The following KIF6 variants were observed in gnomAD, a reference collection of about 807,000 sequenced individuals.
KIF6 encodes kinesin family member 6.
KIF6 carries 106 observed loss-of-function variants against 112.7 expected under a neutral mutation model. That is an observed-to-expected ratio of 0.94 (90% CI 0.80 to 1.11). KIF6 has a LOEUF of 1.11. KIF6 is among the 50% of genes least tolerant of loss of function. KIF6 has a pLI of 0.00. For synonymous variants in KIF6, 339 were observed against 339.9 expected (o/e 1.00, Z 0.03); for missense variants, 929 against 964.0 (o/e 0.96, Z 0.48).
intron 3 of KIF6, among the ~76,000 whole-genome samples, chr6:39,699,248 G>C (rs781503513): frequency 1.3e-5 from 2 of 152,202 alleles, no homozygotes; most frequent in African/African-American, 2.4e-5. Flanking sequence ...GTAGGGGAGT[G>C]AGGAATGCCA....
intron 10 of KIF6, among the ~76,000 whole-genome samples, chr6:39,564,309 A>T (rs995847716): frequency 6.6e-6 from 1 of 152,248 alleles, no homozygotes; most frequent in Non-Finnish European, 1.5e-5. Flanking sequence ...AAGTATGCTC[A>T]GTTAATGATA....
rs144818076 is a variant in KIF6, at chr6:39,596,033, A to T, written c.846+21T>A. 1.4e-3 allele frequency: 2,144 copies of T among 1,587,988 alleles called. 15 individuals carry two copies. In the Middle Eastern group the frequency reaches 0.019, roughly 14 times the overall value. On this transcript the variant is annotated intron_variant, in intron 7 of 22. Coordinates refer to ENST00000287152, the MANE Select transcript of KIF6 (RefSeq NM_145027.6). ...ACATGGTAGCTATAGTTATTAATAC[A>T]TCCCACTCTGCCCATTTTACCTGTT...
intron 13 of KIF6, among the ~76,000 whole-genome samples, chr6:39,433,191 A>G (rs1342801830): frequency 6.6e-6 from 1 of 152,254 alleles, no homozygotes; most frequent in Non-Finnish European, 1.5e-5. Flanking sequence ...GGGACTAACT[A>G]TATTCCCAAC....
At chr6:39,395,200 C>T (rs1290363080) in intron 15 of KIF6, among the ~76,000 whole-genome samples, 2 of 152,216 alleles carry the variant, frequency 1.3e-5, no homozygotes, top group East Asian at 3.8e-4. Context: ...AAGATTAGCA[C>T]GTTCTGCCTG....
Position 39,349,631 on chromosome 6 carries a change from C to CTTTTTTTTTTTTTTTT in KIF6, c.2181-3121_2181-3106dup, listed in dbSNP as rs58810898. 5.1e-4 allele frequency among the ~76,000 whole-genome samples: 33 copies of CTTTTTTTTTTTTTTTT among 64,562 alleles called. 2 individuals are homozygous for CTTTTTTTTTTTTTTTT. Among genetic ancestry groups the CTTTTTTTTTTTTTTTT allele is most frequent in the East Asian group, 7.8e-4 (1 of 1,274 alleles). The allele number at this position is 64,562 out of a possible 152,430, so 42.4% of individuals were successfully genotyped here. On this transcript the variant is annotated intron_variant, in intron 19 of 22. Transcript: ENST00000287152. ...GAAGGTCTAGGTTTAATTTGTGGCT[C>CTTTTTTTTTTTTTTTT]TTTTTTTTTTTTTTTTTTTTTTTTT...
chr6:39,379,255 C>G (rs1345350601), intron 16 of KIF6, among the ~76,000 whole-genome samples: 1 of 152,162 alleles, frequency 6.6e-6, no homozygotes, highest in Non-Finnish European at 1.5e-5. Flanking sequence ...TTGTAATTTG[C>G]TCAGCTGTGG....
chr6:39,434,569 TCAAAACAAAACAAAACAAAAAAA>T (rs918863918), intron 13 of KIF6, among the ~76,000 whole-genome samples: 2 of 135,474 alleles, frequency 1.5e-5, no homozygotes, highest in African/African-American at 5.1e-5. Context: ...CGACTCCATC[TCAAAACAAAACAAAACAAAAAAA>T]CAAAACAAAA....
At chr6:39,367,701 C>A (rs962779493) in intron 16 of KIF6, among the ~76,000 whole-genome samples, 5 of 152,130 alleles carry the variant, frequency 3.3e-5, no homozygotes, top group African/African-American at 9.7e-5. Context: ...AAGATGTGGA[C>A]CCCCTCCTTC....
chr6:39,352,197 C>T (rs1483784336), intron 19 of KIF6, among the ~76,000 whole-genome samples: 1 of 152,196 alleles, frequency 6.6e-6, no homozygotes, highest in Non-Finnish European at 1.5e-5. Context: ...TCTTCCCCAC[C>T]TTTCAGTTTT....
chr6:39,438,171 A>G (rs1161076386), intron 13 of KIF6, among the ~76,000 whole-genome samples: 1 of 152,022 alleles, frequency 6.6e-6, no homozygotes, highest in Non-Finnish European at 1.5e-5. Flanking sequence ...ATGAGATTTC[A>G]CCATGTTGAC....
intron 15 of KIF6, among the ~76,000 whole-genome samples, chr6:39,409,890 A>G (rs1581788915): frequency 6.6e-6 from 1 of 152,022 alleles, no homozygotes; most frequent in African/African-American, 2.4e-5. Flanking sequence ...CACTGACAAA[A>G]CCCTCTTCCC....
chr6:39,495,372 G>A (rs573439988), intron 13 of KIF6, among the ~76,000 whole-genome samples: 1 of 152,314 alleles, frequency 6.6e-6, no homozygotes, highest in East Asian at 1.9e-4. Context: ...AAACAAGGCA[G>A]CAGGATTGGG....
intron 3 of KIF6, among the ~76,000 whole-genome samples, chr6:39,657,261 AAG>A (rs990938866): frequency 1.4e-4 from 21 of 150,370 alleles, no homozygotes; most frequent in African/African-American, 5.3e-4. Context: ...GAAAAAAAAA[AAG>A]GTTTTATTCT....
At chr6:39,671,473 A>G (rs1175863877) in intron 3 of KIF6, among the ~76,000 whole-genome samples, 1 of 152,148 alleles carries the variant, frequency 6.6e-6, no homozygotes, top group Non-Finnish European at 1.5e-5. Flanking sequence ...CTTCTATCCT[A>G]GGCATTGGTG....
intron 14 of KIF6, among the ~76,000 whole-genome samples, chr6:39,425,509 G>T (rs886640909): frequency 1.3e-5 from 2 of 151,542 alleles, no homozygotes; most frequent in Admixed American, 6.6e-5. Context: ...TCCCTCTCCC[G>T]CCTCCAGTTG....
At chr6:39,377,841 C>T (rs1282893923) in intron 16 of KIF6, among the ~76,000 whole-genome samples, 10 of 152,116 alleles carry the variant, frequency 6.6e-5, no homozygotes, top group Non-Finnish European at 1.2e-4. Context: ...CAGGGCTCCA[C>T]GTGGCATCAC....
At chr6:39,403,948 T>C (rs1379700666) in intron 15 of KIF6, among the ~76,000 whole-genome samples, 1 of 152,208 alleles carries the variant, frequency 6.6e-6, no homozygotes, top group Non-Finnish European at 1.5e-5. Context: ...GTACGTCCTT[T>C]TTGGTGAAGT....
chr6:39,652,808 T>C (rs1329776224), intron 3 of KIF6, among the ~76,000 whole-genome samples: 2 of 152,170 alleles, frequency 1.3e-5, no homozygotes, highest in Non-Finnish European at 2.9e-5. Flanking sequence ...ATAAGAGTAA[T>C]ACCAAAGTCT....
intron 9 of KIF6, among the ~76,000 whole-genome samples, chr6:39,582,883 A>G (rs973491331): frequency 6.6e-5 from 10 of 152,240 alleles, no homozygotes; most frequent in Non-Finnish European, 1.5e-4. Flanking sequence ...AGCTCTATAC[A>G]TAAAATGACT....
Sources: gnomAD v4.1 joint callset for allele counts (sites outside exome capture counted in the v4.1 genomes callset) on GRCh38, gnomAD v4.1.1 for gene constraint, MANE v1.5 for transcripts, NCBI Gene and HGNC (gene_info 2026-07-23, HGNC 2026-07-21) for gene names.